The following MTMR8 variants were observed in gnomAD, a reference collection of about 807,000 sequenced individuals.
The protein encoded by MTMR8 is myotubularin related protein 8.
A neutral mutation model predicts 39.3 loss-of-function variants in MTMR8; 65 were observed. That is an observed-to-expected ratio of 1.65 (90% CI 1.35 to 2.03). The LOEUF is 2.03. Among genes scored for constraint, MTMR8 ranks in the 30% most tolerant of loss-of-function variants. MTMR8 has a pLI of 0.00. For missense variants in MTMR8, 777 were observed against 538.9 expected, an observed-to-expected ratio of 1.44 and a Z score of -4.37; for synonymous variants, 245 against 185.2, an observed-to-expected ratio of 1.32 and a Z score of -2.62.
chrX:64,317,049 T>C (rs1453928060), intron 12 of MTMR8, among the ~76,000 whole-genome samples: 1 of 106,255 alleles, frequency 9.4e-6, no homozygotes, highest in African/African-American at 3.5e-5. Flanking sequence ...GAGACAGAGG[T>C]TGCAGTGAGC....
chrX:64,349,988 C>A lies in MTMR8; in HGVS notation c.551G>T (p.Ser184Ile). ...GGAGAGCACAGGGACACGTTCTTTA[C>A]TTCTGAACTTTGAACTTCCAACCAC... Reference protein sequence around the residue: ...GTVVGSSKFRSKERVPVLSYL... With the variant: ...GTVVGSSKFRIKERVPVLSYL... The change falls in exon 5 of 14, where the codon AGT becomes ATT. Residue 184 changes from serine (S) to isoleucine (I), a missense_variant. Ser to Ile is a moderately radical substitution (Grantham distance 142). Coordinates refer to ENST00000374852, the MANE Select transcript of MTMR8 (RefSeq NM_017677.4). 8.3e-7 allele frequency: 1 copy of A among 1,198,052 alleles called. No individual in the cohort carries two copies. Among genetic ancestry groups the A allele is most frequent in the Non-Finnish European group, 1.1e-6 (1 of 887,864 alleles).
intron 1 of MTMR8, among the ~76,000 whole-genome samples, chrX:64,363,672 C>T (rs748754742): frequency 6.6e-4 from 74 of 111,720 alleles, no homozygotes; most frequent in African/African-American, 2.0e-3. Flanking sequence ...CCAGCGTGAC[C>T]GACGCAAAAG....
intron 12 of MTMR8, among the ~76,000 whole-genome samples, chrX:64,315,004 C>G (rs1479005489): frequency 9.0e-6 from 1 of 111,704 alleles, no homozygotes; most frequent in African/African-American, 3.3e-5. Flanking sequence ...CTGCAGAGTT[C>G]AGGCCCACTA....
At chrX:64,354,105 C>CA (rs201097604) in intron 4 of MTMR8, among the ~76,000 whole-genome samples, 3,281 of 63,301 alleles carry the variant, frequency 0.052, 84 homozygotes, top group African/African-American at 0.11. Context: ...GTTGTAGGAG[C>CA]AAAAAAAAAA....
chrX:64,297,857 GT>G (rs1426466245), intron 12 of MTMR8, among the ~76,000 whole-genome samples: 1 of 108,365 alleles, frequency 9.2e-6, no homozygotes, highest in Non-Finnish European at 1.9e-5. Context: ...CCCATTGCTT[GT>G]TTTTCTCAGG....
chrX:64,390,765 GCC>G (rs954451955), intron 1 of MTMR8, among the ~76,000 whole-genome samples: 1 of 109,014 alleles, frequency 9.2e-6, no homozygotes, highest in Non-Finnish European at 1.9e-5. Flanking sequence ...CATCCCCACC[GCC>G]CCCCCAGCCT....
chrX:64,394,087 G>T (rs1401167095), intron 1 of MTMR8, among the ~76,000 whole-genome samples: 2 of 111,760 alleles, frequency 1.8e-5, no homozygotes, highest in East Asian at 5.6e-4. Flanking sequence ...AGGCAAGGAG[G>T]AGCAAGTCAC....
intron 1 of MTMR8, among the ~76,000 whole-genome samples, chrX:64,376,451 T>G (rs1255149819): frequency 3.6e-5 from 4 of 112,216 alleles, no homozygotes; most frequent in Non-Finnish European, 7.5e-5. Context: ...ACTCTTGCTA[T>G]GCTTTAGCAA....
chrX:64,371,971 A>C (rs770085547), intron 1 of MTMR8, among the ~76,000 whole-genome samples: 1 of 109,348 alleles, frequency 9.1e-6, no homozygotes, highest in African/African-American at 3.3e-5. Flanking sequence ...TAAATTTAAA[A>C]GTTAAGTAAA....
Position 64,345,183 on chromosome X carries a change from A to G in MTMR8, c.733-6T>C, listed in dbSNP as rs182190548. ...CGGTTGGCCATGGCATTCAACTGCA[A>G]TAGCAGAGGACATAATAGAGCAGAT... is the stretch of plus-strand genomic sequence containing the variant. On this transcript the variant is annotated splice_region_variant and splice_polypyrimidine_tract_variant and intron_variant, in intron 6 of 13. Coordinates refer to ENST00000374852, the MANE Select transcript of MTMR8 (RefSeq NM_017677.4). The G allele has an allele frequency of 5.0e-6, 6 of 1,210,073 alleles. No individual in the cohort carries two copies. In the African/African-American group the frequency reaches 1.0e-4, roughly 21 times the overall value.
intron 12 of MTMR8, among the ~76,000 whole-genome samples, chrX:64,285,198 A>C (rs746116795): frequency 8.9e-6 from 1 of 111,845 alleles, no homozygotes; most frequent in East Asian, 2.8e-4. Context: ...ACAGACTTTA[A>C]ATCAACAAAG....
At chrX:64,299,668 T>C (rs1435524296) in intron 12 of MTMR8, among the ~76,000 whole-genome samples, 1 of 90,335 alleles carries the variant, frequency 1.1e-5, no homozygotes, top group Non-Finnish European at 2.2e-5. Flanking sequence ...TTAATTGTGA[T>C]GTTAGGGTGT....
At chrX:64,345,708 G>T (rs1181137676) in intron 6 of MTMR8, among the ~76,000 whole-genome samples, 1 of 111,770 alleles carries the variant, frequency 8.9e-6, no homozygotes, top group Admixed American at 9.5e-5. Flanking sequence ...GAACTCCTGG[G>T]CTCAGGCAAT....
At chrX:64,309,985 G>A (rs920444983) in intron 12 of MTMR8, among the ~76,000 whole-genome samples, 8 of 111,355 alleles carry the variant, frequency 7.2e-5, no homozygotes, top group Non-Finnish European at 1.5e-4. Context: ...GAAGGTTGGA[G>A]TGGCTGTGGT....
intron 12 of MTMR8, among the ~76,000 whole-genome samples, chrX:64,322,185 A>C (rs1476796281): frequency 9.3e-6 from 1 of 108,015 alleles, no homozygotes; most frequent in Admixed American, 9.9e-5. Flanking sequence ...TTTTGTAGAG[A>C]CGAGGTCTCA....
intron 1 of MTMR8, among the ~76,000 whole-genome samples, chrX:64,373,322 A>G (rs1924176812): frequency 9.0e-6 from 1 of 111,514 alleles, no homozygotes; most frequent in African/African-American, 3.3e-5. Flanking sequence ...AGGTGATTAG[A>G]TCACGAGGGC....
At chrX:64,286,586 C>T (rs1336829612) in intron 12 of MTMR8, among the ~76,000 whole-genome samples, 1 of 111,842 alleles carries the variant, frequency 8.9e-6, no homozygotes, top group Non-Finnish European at 1.9e-5. Context: ...AAACTGAATC[C>T]AGCAGCACAC....
chrX:64,293,122 A>G (rs1201041130), intron 12 of MTMR8, among the ~76,000 whole-genome samples: 1 of 111,499 alleles, frequency 9.0e-6, no homozygotes, highest in Admixed American at 9.5e-5. Flanking sequence ...GCAAGTCCAG[A>G]GGAAACGGAA....
At chrX:64,363,789 G>A (rs762686264) in intron 1 of MTMR8, among the ~76,000 whole-genome samples, 42 of 111,562 alleles carry the variant, frequency 3.8e-4, no homozygotes, top group East Asian at 2.3e-3. Context: ...GTGGGGCATC[G>A]CCTAAACCAG....
Sources: allele counts gnomAD v4.1 joint callset (sites outside exome capture counted in the v4.1 genomes callset), GRCh38; gene constraint gnomAD v4.1.1; transcripts MANE v1.5; gene names NCBI Gene and HGNC (gene_info 2026-07-23, HGNC 2026-07-21).